Variants in POU2F3 observed in about 807,000 individuals in gnomAD.
The protein encoded by POU2F3 is POU class 2 homeobox 3, also known as POU domain, class 2, transcription factor 3.
In POU2F3, 23 loss-of-function variants were observed where a neutral mutation model predicts 59.2. The observed-to-expected ratio is 0.39, with a 90% CI of 0.28 to 0.55. The LOEUF (loss-of-function observed/expected upper bound fraction) is 0.55. Ranked by LOEUF, POU2F3 falls within the 20% of genes least tolerant of loss-of-function variation. The probability of loss-of-function intolerance (pLI) is 0.66; values close to 1 mark genes in which losing one functional copy is unlikely to be tolerated. For synonymous variants in POU2F3, 190 were observed against 214.6 expected, an observed-to-expected ratio of 0.89 and a Z score of 1.00; for missense variants, 473 against 544.5, an observed-to-expected ratio of 0.87 and a Z score of 1.31.
chr11:120,266,016 A>C (rs936022944), intron 2 of POU2F3: 1 of 152,176 alleles, frequency 6.6e-6, no homozygotes, highest in Non-Finnish European at 1.5e-5. Context: ...ACCACCCATA[A>C]GCTGAGGGCT....
At chr11:120,310,603 G>A (rs1045366142) in intron 10 of POU2F3, among the ~76,000 whole-genome samples, 1 of 152,168 alleles carries the variant, frequency 6.6e-6, no homozygotes, top group Non-Finnish European at 1.5e-5. Context: ...GAGGGTGGGT[G>A]TGGGAAGGTT....
Position 120,297,306 on chromosome 11 carries a change from G to A in POU2F3, c.133-959G>A, listed in dbSNP as rs369930996. ...TGCCCTGCCCTGGGACACCTGGGAA[G>A]CCCACGCATGGGTGGTTAGTACTGT... On this transcript the variant is annotated intron_variant, in intron 3 of 12. Transcript: ENST00000543440. Among the ~76,000 whole-genome samples the A allele has an allele frequency of 1.3e-5, 2 of 152,360 alleles. 1 individual carries two copies.
rs1941466748 is a variant in POU2F3, at chr11:120,305,671, C to T, written c.655C>T (p.Leu219=). Residue 219 remains leucine, a synonymous_variant, in exon 8 of 13, where the codon CTG becomes TTG. Transcript: ENST00000543440. ...QGDVGLAMGK[L]YGNDFSQTTI... Reference sequence around the variant, plus strand: ...AGATGTGGGGCTGGCGATGGGAAAGCTGTATGGCAACGACTTCAGCCAGAC... The same window carrying T: ...AGATGTGGGGCTGGCGATGGGAAAGTTGTATGGCAACGACTTCAGCCAGAC... 1 of 1,613,864 alleles carries T rather than the reference C, an allele frequency of 6.2e-7. No individual in the cohort carries two copies. The highest frequency in any genetic ancestry group is 1.3e-5 in the African/African-American group (1 of 74,926).
In POU2F3 at chr11:120,285,383, G is replaced by A. The variant is rs998314995; in HGVS notation, c.133-12882G>A. 2.6e-5 allele frequency among the ~76,000 whole-genome samples: 4 copies of A among 152,164 alleles called. No individual in the cohort carries two copies. The highest frequency in any genetic ancestry group is 9.7e-5 in the African/African-American group (4 of 41,424). On this transcript the variant is annotated intron_variant, in intron 3 of 12. Coordinates refer to ENST00000543440, the MANE Select transcript of POU2F3 (RefSeq NM_014352.4). This position sits in a 1 kb window ranked among gnomAD's most constrained non-coding sequence, Gnocchi z 4.3. Reference sequence around the variant, plus strand: ...ATCACCTCTCTTGGTCACTCTGCCCGCTTCTGTTTCAGGGCCTGTGTCTGT... The same window carrying A: ...ATCACCTCTCTTGGTCACTCTGCCCACTTCTGTTTCAGGGCCTGTGTCTGT...
chr11:120,245,488 G>A (rs1009251024), intron 1 of POU2F3, among the ~76,000 whole-genome samples: 2 of 152,096 alleles, frequency 1.3e-5, no homozygotes, highest in African/African-American at 4.8e-5. Context: ...AAGGGGGGGT[G>A]TGGGGGTCAA....
chr11:120,307,348 G>C, intron 8 of POU2F3, 131 bp from the exon 9 acceptor site: 2 of 1,045,038 alleles, frequency 1.9e-6, no homozygotes, highest in Admixed American at 2.3e-5. Flanking sequence ...GCTCCCTGCT[G>C]GGGGAGGGGA....
At chr11:120,251,333 C>T (rs983393138) in intron 2 of POU2F3, among the ~76,000 whole-genome samples, 3 of 152,248 alleles carry the variant, frequency 2.0e-5, no homozygotes, top group African/African-American at 7.2e-5. Context: ...CACACACACG[C>T]ACACACACTC....
chr11:120,239,018 C>T (rs1260696216), upstream of POU2F3, among the ~76,000 whole-genome samples: 5 of 152,012 alleles, frequency 3.3e-5, no homozygotes, highest in Non-Finnish European at 4.4e-5. Flanking sequence ...TGAAGGCACA[C>T]GAAATGCTGG....
chr11:120,296,214 A>T (rs1302759280), intron 3 of POU2F3, among the ~76,000 whole-genome samples: 1 of 151,940 alleles, frequency 6.6e-6, no homozygotes, highest in Non-Finnish European at 1.5e-5. Context: ...CATCTTCAAC[A>T]TTTTCTTCCC....
chr11:120,289,018 C>G (rs1940928593), intron 3 of POU2F3, among the ~76,000 whole-genome samples: 2 of 152,286 alleles, frequency 1.3e-5, no homozygotes, highest in South Asian at 4.1e-4. Flanking sequence ...TGAATGCTTA[C>G]TAACTTTCAT....
rs867807861 is a variant in POU2F3 at position 120,305,862 on chromosome 11, C to G, written c.769+77C>G. The G allele has an allele frequency of 2.3e-4, 359 of 1,552,818 alleles. 3 individuals are homozygous for G. In the Middle Eastern group the frequency reaches 7.8e-3, roughly 34 times the overall value. Reference sequence around the variant, plus strand: ...GGGCCAGTGACTTGTCGTGTTGGGGCTTTTGGGAGTTTGATACCTAACACC... The same window carrying G: ...GGGCCAGTGACTTGTCGTGTTGGGGGTTTTGGGAGTTTGATACCTAACACC... On this transcript the variant is annotated intron_variant, in intron 8 of 12. Transcript: ENST00000543440.
chr11:120,269,879 G>A (rs1162100558), intron 3 of POU2F3, among the ~76,000 whole-genome samples: 3 of 152,122 alleles, frequency 2.0e-5, no homozygotes, highest in Admixed American at 6.6e-5. Flanking sequence ...GGGGGAAGCC[G>A]AGGGAGAGGA....
chr11:120,266,066 CAA>C (rs1939815997), intron 2 of POU2F3: 1 of 152,244 alleles, frequency 6.6e-6, no homozygotes, highest in African/African-American at 2.4e-5. Context: ...TCTCCTGAGT[CAA>C]ACTCATTTCC....
intron 3 of POU2F3, among the ~76,000 whole-genome samples, chr11:120,284,826 T>C (rs1304422444): frequency 6.6e-6 from 1 of 152,206 alleles, no homozygotes; most frequent in African/African-American, 2.4e-5. Flanking sequence ...TTAGGGCTAA[T>C]GGGTCCTTGA....
At chr11:120,281,237 G>T (rs1940557988) in intron 3 of POU2F3, among the ~76,000 whole-genome samples, 1 of 151,856 alleles carries the variant, frequency 6.6e-6, no homozygotes, top group South Asian at 2.1e-4. Context: ...GTCCCTCTCT[G>T]CTTGACAACT....
chr11:120,251,975 T>C (rs1368675101), intron 2 of POU2F3, among the ~76,000 whole-genome samples: 5 of 151,748 alleles, frequency 3.3e-5, no homozygotes, highest in Non-Finnish European at 5.9e-5. Flanking sequence ...TTTGTATTTT[T>C]AGTAGAGACA....
chr11:120,278,720 A>G (rs1940437236), intron 3 of POU2F3, among the ~76,000 whole-genome samples: 1 of 152,152 alleles, frequency 6.6e-6, no homozygotes, highest in Non-Finnish European at 1.5e-5. Flanking sequence ...GCAGGAGATA[A>G]TTGGCAAGAT....
At chr11:120,245,426 T>G (rs1049267613) in intron 1 of POU2F3, among the ~76,000 whole-genome samples, 1 of 152,036 alleles carries the variant, frequency 6.6e-6, no homozygotes, top group African/African-American at 2.4e-5. Flanking sequence ...GTACGCAAAT[T>G]GGCTCACCAA....
In POU2F3 at chr11:120,317,324, A is replaced by C. The variant is rs745695525; in HGVS notation, c.1231A>C (p.Lys411Gln). 5.6e-6 allele frequency: 9 copies of C among 1,614,132 alleles called. No homozygotes were observed. The highest frequency in any genetic ancestry group is 5.1e-6 in the Non-Finnish European group (6 of 1,180,000). ...CCCCACTGCATCTCAAAATAACTCC[A>C]AAGCAGCAGTGAACTCCGCCTCCAG... is the stretch of plus-strand genomic sequence containing the variant. ...SSPTASQNNS[K>Q]AAVNSASSFN... Residue 411 changes from lysine to glutamine, a missense_variant, in exon 12 of 13, where the codon AAA becomes CAA. Transcript: ENST00000543440.
Sources: gnomAD v4.1 joint callset for allele counts (sites outside exome capture counted in the v4.1 genomes callset) on GRCh38, gnomAD v4.1.1 for gene constraint, Gnocchi (gnomAD v3.1) non-coding constraint, MANE v1.5 for transcripts, NCBI Gene and HGNC (gene_info 2026-07-23, HGNC 2026-07-21) for gene names.